Variants in ZNF362 observed in about 807,000 individuals in gnomAD.
The protein encoded by ZNF362 is rotund homolog.
A neutral mutation model predicts 42.9 loss-of-function variants in ZNF362; 11 were observed. That is an observed-to-expected ratio of 0.26 (90% CI 0.16 to 0.42). The LOEUF (loss-of-function observed/expected upper bound fraction) is 0.42. ZNF362 is among the 20% of genes least tolerant of loss of function. The probability of loss-of-function intolerance (pLI) is 1.00; values close to 1 mark genes in which losing one functional copy is unlikely to be tolerated. For synonymous variants in ZNF362, 255 were observed against 257.3 expected, an observed-to-expected ratio of 0.99 and a Z score of 0.09; for missense variants, 362 against 576.2, an observed-to-expected ratio of 0.63 and a Z score of 3.81.
chr1:33,194,298 G>T, the ZNF362 span, among the ~76,000 whole-genome samples: 2 of 152,116 alleles, frequency 1.3e-5, no homozygotes, highest in Non-Finnish European at 2.9e-5. Flanking sequence ...CAATTTGGGA[G>T]GCTGAGGCTG....
chr1:33,274,853 A>C (rs1645930804), intron 2 of ZNF362: 1 of 771,542 alleles, frequency 1.3e-6, no homozygotes, highest in South Asian at 5.9e-5. Flanking sequence ...TTCACTGATA[A>C]AATGGTATAA....
chr1:33,212,563 C>G, the ZNF362 span, among the ~76,000 whole-genome samples: 1 of 152,050 alleles, frequency 6.6e-6, no homozygotes, highest in Admixed American at 6.6e-5. Flanking sequence ...ATCTGCTTGG[C>G]TTCTGGTGAG....
chr1:33,184,041 G>GAA, the ZNF362 span, among the ~76,000 whole-genome samples: 96,207 of 147,188 alleles, frequency 0.65, 31,312 homozygotes, highest in East Asian at 0.76. Context: ...GAAATGAAAT[G>GAA]AAAAAAAAAA....
At chr1:33,226,569 G>A in the ZNF362 span, among the ~76,000 whole-genome samples, 3 of 152,146 alleles carry the variant, frequency 2.0e-5, no homozygotes, top group East Asian at 3.8e-4. Context: ...CCTTGAAAAC[G>A]TTATGCTAAA....
At chr1:33,203,124 C>T in the ZNF362 span, among the ~76,000 whole-genome samples, 22 of 152,146 alleles carry the variant, frequency 1.4e-4, no homozygotes, top group Non-Finnish European at 2.4e-4. Flanking sequence ...ATCCTTGGAT[C>T]TACATCTCCC....
At chr1:33,138,630 A>G in the ZNF362 span, among the ~76,000 whole-genome samples, 2 of 144,788 alleles carry the variant, frequency 1.4e-5, no homozygotes, top group Non-Finnish European at 3.1e-5. Context: ...CAACAACAAA[A>G]AAAAAAAAAA....
At chr1:33,198,662 G>C in the ZNF362 span, among the ~76,000 whole-genome samples, 1 of 142,476 alleles carries the variant, frequency 7.0e-6, no homozygotes, top group Non-Finnish European at 1.5e-5. Flanking sequence ...GCAAGATCCT[G>C]TATCAAAAAT....
At chr1:33,140,242 AT>A in the ZNF362 span, among the ~76,000 whole-genome samples, 1 of 152,224 alleles carries the variant, frequency 6.6e-6, no homozygotes, top group Non-Finnish European at 1.5e-5. This position sits in a 1 kb window ranked among gnomAD's most constrained non-coding sequence, Gnocchi z 4.0. Context: ...GTCCAGGGTC[AT>A]TGGTGAGTCA....
the ZNF362 span, chr1:33,200,033 C>CAAACA: frequency 0.053 from 8,138 of 152,338 alleles, 288 homozygotes; most frequent in Middle Eastern, 0.12. Flanking sequence ...ACAAAACAAA[C>CAAACA]AAACAAAACA....
At chr1:33,171,478 C>T in the ZNF362 span, among the ~76,000 whole-genome samples, 6 of 152,124 alleles carry the variant, frequency 3.9e-5, no homozygotes, top group African/African-American at 1.2e-4. Context: ...CTCAGTGGCT[C>T]CGAAAATCCA....
chr1:33,160,284 G>A, the ZNF362 span, among the ~76,000 whole-genome samples: 3 of 152,120 alleles, frequency 2.0e-5, no homozygotes, highest in Non-Finnish European at 4.4e-5. Flanking sequence ...AAGGAGCTGG[G>A]GATAATGCCC....
the ZNF362 span, among the ~76,000 whole-genome samples, chr1:33,162,430 C>T: frequency 6.6e-6 from 1 of 152,220 alleles, no homozygotes; most frequent in Admixed American, 6.5e-5. Flanking sequence ...AGCCTTTTGT[C>T]AACAGTCTTA....
Position 33,281,642 on chromosome 1 carries a change from A to G in ZNF362, c.739A>G (p.Lys247Glu). The G allele has an allele frequency of 6.2e-7, 1 of 1,614,192 alleles. No homozygotes were observed. Among genetic ancestry groups the G allele is most frequent in the Non-Finnish European group, 8.5e-7 (1 of 1,180,018 alleles). ...CAAGTCAGAGATGCAGATCCACTCC[A>G]AGTCGCACACAGAGGCCAAGCCCCA... ...FTKSEMQIHS[K>E]SHTEAKPHKC... The change falls in exon 6 of 9, where the codon AAG becomes GAG. Residue 247 changes from lysine to glutamate, a missense_variant. Coordinates refer to ENST00000539719, the MANE Select transcript of ZNF362 (RefSeq NM_152493.3). The surrounding 1 kb of genome is among the most constrained non-coding windows in gnomAD (Gnocchi z 4.8).
chr1:33,218,978 C>CACACACACACAG, the ZNF362 span, among the ~76,000 whole-genome samples: 1 of 134,446 alleles, frequency 7.4e-6, no homozygotes, highest in East Asian at 2.2e-4. Flanking sequence ...CACACACACA[C>CACACACACACAG]ACATACACCA....
the ZNF362 span, chr1:33,147,734 G>T: frequency 6.2e-7 from 1 of 1,605,310 alleles, no homozygotes; most frequent in Non-Finnish European, 8.5e-7. This position sits in a 1 kb window ranked among gnomAD's most constrained non-coding sequence, Gnocchi z 8.1. Context: ...GGCACTGTGG[G>T]GGTTGGAGGA....
chr1:33,243,604 T>A, the ZNF362 span, among the ~76,000 whole-genome samples: 1 of 141,864 alleles, frequency 7.0e-6, no homozygotes, highest in Non-Finnish European at 1.5e-5. Context: ...TTTTCTTTTC[T>A]TTTTTTTTTT....
chr1:33,229,421 T>C, the ZNF362 span, among the ~76,000 whole-genome samples: 1 of 141,638 alleles, frequency 7.1e-6, no homozygotes, highest in African/African-American at 2.5e-5. Context: ...TTTTTTTTTT[T>C]TGTGAGACGG....
chr1:33,243,151 ATGTTATGT>A, the ZNF362 span, among the ~76,000 whole-genome samples: 9 of 149,026 alleles, frequency 6.0e-5, no homozygotes, highest in African/African-American at 1.0e-4. Context: ...ATGTTATGTT[ATGTTATGT>A]TGTTATGTTA....
chr1:33,154,785 G>A, the ZNF362 span, among the ~76,000 whole-genome samples: 2 of 131,008 alleles, frequency 1.5e-5, no homozygotes, highest in African/African-American at 2.9e-5. Flanking sequence ...TTGACAGAGC[G>A]AAACTCCGTA....
Sources: allele counts gnomAD v4.1 joint callset (sites outside exome capture counted in the v4.1 genomes callset), GRCh38; gene constraint gnomAD v4.1.1; non-coding constraint Gnocchi (gnomAD v3.1); transcripts MANE v1.5; gene names NCBI Gene and HGNC (gene_info 2026-07-23, HGNC 2026-07-21).